Variants in BMAL1 observed in about 807,000 individuals in gnomAD.
BMAL1 encodes basic helix-loop-helix ARNT like 1, also known as basic helix-loop-helix ARNT-like protein 1.
the BMAL1 span, among the ~76,000 whole-genome samples, chr11:13,338,731 A>G: frequency 6.6e-6 from 1 of 152,166 alleles, no homozygotes; most frequent in African/African-American, 2.4e-5. Flanking sequence ...GTGATCTTGG[A>G]CAAGTTGCCA....
chr11:13,352,646 A>G, the BMAL1 span, among the ~76,000 whole-genome samples: 7 of 152,240 alleles, frequency 4.6e-5, no homozygotes, highest in African/African-American at 1.4e-4. Context: ...ATTCTAAGAA[A>G]TAATTGCTCA....
At chr11:13,331,574 C>G in the BMAL1 span, among the ~76,000 whole-genome samples, 1 of 152,316 alleles carries the variant, frequency 6.6e-6, no homozygotes, top group African/African-American at 2.4e-5. Context: ...GTACCCTGCC[C>G]TTTTCTGGGA....
chr11:13,359,358 T>C, the BMAL1 span, among the ~76,000 whole-genome samples: 2 of 152,210 alleles, frequency 1.3e-5, no homozygotes, highest in Non-Finnish European at 2.9e-5. Context: ...TCTTTTTATA[T>C]TTGCACAAGG....
At chr11:13,352,163 TTTCTC>T in the BMAL1 span, among the ~76,000 whole-genome samples, 1 of 152,124 alleles carries the variant, frequency 6.6e-6, no homozygotes, top group Non-Finnish European at 1.5e-5. Flanking sequence ...ACCTGCCTCT[TTTCTC>T]AGTTCACTAA....
chr11:13,373,674 T>C, the BMAL1 span, among the ~76,000 whole-genome samples: 1 of 152,090 alleles, frequency 6.6e-6, no homozygotes, highest in Non-Finnish European at 1.5e-5. Context: ...ACCCAGCTCA[T>C]TGTTCTGTGT....
chr11:13,369,618 C>T, the BMAL1 span: 1 of 1,613,824 alleles, frequency 6.2e-7, no homozygotes, highest in Non-Finnish European at 8.5e-7. Context: ...TGATTTGCAG[C>T]TGGACTTCCA....
At chr11:13,303,040 A>G in the BMAL1 span, among the ~76,000 whole-genome samples, 1 of 152,202 alleles carries the variant, frequency 6.6e-6, no homozygotes, top group Admixed American at 6.5e-5. Flanking sequence ...TCAGGCACTA[A>G]GCTAAGGGAT....
chr11:13,337,571 C>G, the BMAL1 span, among the ~76,000 whole-genome samples: 4 of 152,172 alleles, frequency 2.6e-5, no homozygotes, highest in Non-Finnish European at 5.9e-5. Flanking sequence ...ATACAGTGTA[C>G]TGACCTGCCC....
the BMAL1 span, among the ~76,000 whole-genome samples, chr11:13,287,258 G>A: frequency 6.6e-6 from 1 of 152,212 alleles, no homozygotes; most frequent in Non-Finnish European, 1.5e-5. Context: ...CTAGGGTAAG[G>A]GATGCCTCAT....
At chr11:13,343,055 C>T in the BMAL1 span, among the ~76,000 whole-genome samples, 1 of 152,206 alleles carries the variant, frequency 6.6e-6, no homozygotes, top group Non-Finnish European at 1.5e-5. Context: ...TTCACCACAA[C>T]TGTGAGGCAG....
chr11:13,301,769 T>A, the BMAL1 span, among the ~76,000 whole-genome samples: 1 of 152,174 alleles, frequency 6.6e-6, no homozygotes, highest in East Asian at 1.9e-4. Flanking sequence ...CCAGGCATGG[T>A]TCTAAGAGCT....
chr11:13,338,960 A>G, the BMAL1 span, among the ~76,000 whole-genome samples: 1 of 152,224 alleles, frequency 6.6e-6, no homozygotes, highest in Non-Finnish European at 1.5e-5. Context: ...GGTGTCACCT[A>G]GACATCTCAT....
the BMAL1 span, chr11:13,366,810 C>T: frequency 6.3e-7 from 1 of 1,589,642 alleles, no homozygotes; most frequent in Admixed American, 1.7e-5. Flanking sequence ...CTCGCATTTC[C>T]TCAGCAGCCC....
chr11:13,373,946 C>T, the BMAL1 span: 1 of 620,436 alleles, frequency 1.6e-6, no homozygotes, highest in Non-Finnish European at 2.8e-6. Flanking sequence ...AAGATCCACA[C>T]AGTGAGCCCT....
At chr11:13,347,224 A>C in the BMAL1 span, among the ~76,000 whole-genome samples, 1 of 151,682 alleles carries the variant, frequency 6.6e-6, no homozygotes, top group Non-Finnish European at 1.5e-5. Context: ...TCTTCTAAAA[A>C]TAAAAAATTA....
chr11:13,379,939 GT>G, the BMAL1 span: 1 of 152,136 alleles, frequency 6.6e-6, no homozygotes, highest in Non-Finnish European at 1.5e-5. Flanking sequence ...AAAGTCTTGT[GT>G]TACGCTTTGT....
the BMAL1 span, among the ~76,000 whole-genome samples, chr11:13,361,394 T>C: frequency 1.3e-5 from 2 of 151,924 alleles, no homozygotes; most frequent in African/African-American, 4.8e-5. Flanking sequence ...TAGAAAAACG[T>C]AACTAAAAGG....
chr11:13,366,624 C>T, the BMAL1 span: 1 of 1,521,172 alleles, frequency 6.6e-7, no homozygotes, highest in Non-Finnish European at 9.1e-7. Flanking sequence ...TGATTTTCTG[C>T]ATGCAATTGA....
the BMAL1 span, among the ~76,000 whole-genome samples, chr11:13,365,258 T>C: frequency 6.7e-6 from 1 of 149,634 alleles, no homozygotes; most frequent in African/African-American, 2.5e-5. Flanking sequence ...ACTTTCTTCC[T>C]ATAATAATTA....
Sources: allele counts gnomAD v4.1 joint callset (sites outside exome capture counted in the v4.1 genomes callset), GRCh38; gene constraint gnomAD v4.1.1; transcripts MANE v1.5; gene names NCBI Gene and HGNC (gene_info 2026-07-23, HGNC 2026-07-21).